Variants in ZFC3H1 observed in about 807,000 individuals in gnomAD.
ZFC3H1 encodes zinc finger C3H1-type containing, also known as zinc finger C3H1 domain-containing protein.
A neutral mutation model predicts 243.7 loss-of-function variants in ZFC3H1; 71 were observed. The observed-to-expected ratio is 0.29, with a 90% CI of 0.24 to 0.36. ZFC3H1 has a LOEUF of 0.36. Among genes scored for constraint, ZFC3H1 ranks in the 10% least tolerant of loss-of-function variants. ZFC3H1 has a pLI of 1.00. For synonymous variants in ZFC3H1, 838 were observed against 813.0 expected (o/e 1.03, Z -0.52); for missense variants, 1,966 against 2,317.1 (o/e 0.85, Z 3.11).
intron 1 of ZFC3H1, among the ~76,000 whole-genome samples, chr12:71,657,509 A>G (rs951293539): frequency 3.3e-5 from 5 of 152,216 alleles, no homozygotes; most frequent in African/African-American, 1.2e-4. Context: ...TAAGTACCAT[A>G]TAAACAGTCC....
At chr12:71,650,766 TGCA>T (rs1880864982) in intron 2 of ZFC3H1, among the ~76,000 whole-genome samples, 1 of 152,328 alleles carries the variant, frequency 6.6e-6, no homozygotes. Context: ...TTCTCAGCAA[TGCA>T]GCCAGAGTGA....
chr12:71,622,505 C>G (rs1880057439), intron 24 of ZFC3H1, among the ~76,000 whole-genome samples: 1 of 151,898 alleles, frequency 6.6e-6, no homozygotes, highest in African/African-American at 2.4e-5. Flanking sequence ...CTCTGTTATC[C>G]AGGCTGAAGT....
At chr12:71,660,585 G>C (rs532110374) in intron 1 of ZFC3H1, among the ~76,000 whole-genome samples, 1 of 151,344 alleles carries the variant, frequency 6.6e-6, no homozygotes, top group South Asian at 2.1e-4. Flanking sequence ...AATTAATAAA[G>C]GTCTATGGTA....
Position 71,630,960 on chromosome 12 carries a change from G to A in ZFC3H1, c.3471-6C>T, listed in dbSNP as rs557216556. ...TTCGATAATATGGACTAAATCTAAG[G>A]TGAAGAGAGTGAACAGGTATATTAT... On this transcript the variant is annotated splice_polypyrimidine_tract_variant and splice_region_variant and intron_variant, in intron 16 of 34. Coordinates refer to ENST00000378743, the MANE Select transcript of ZFC3H1 (RefSeq NM_144982.5). The A allele has an allele frequency of 3.2e-5, 52 of 1,601,604 alleles. 1 individual carries two copies. The Middle Eastern group carries it at 5.0e-4, about 15-fold the overall frequency.
intron 32 of ZFC3H1, 137 bp downstream of exon 32, chr12:71,611,649 A>C (rs976755476): frequency 5.8e-6 from 1 of 171,328 alleles, no homozygotes; most frequent in African/African-American, 2.6e-5. Context: ...TAAGAATAGC[A>C]ATCTGTCCAG....
chr12:71,619,051 C>T (rs544523046), intron 27 of ZFC3H1, among the ~76,000 whole-genome samples: 9 of 152,160 alleles, frequency 5.9e-5, no homozygotes, highest in East Asian at 5.8e-4. Context: ...ACAACAATAA[C>T]GATAAAGTAA....
At position 71,647,802 on chromosome 12, in the gene ZFC3H1, T is replaced by C. The variant is rs766608766; in HGVS notation, c.1027A>G (p.Lys343Glu). 3.0e-6 allele frequency: 4 copies of C among 1,326,952 alleles called. No homozygotes were observed. The African/African-American group carries it at 4.5e-5, about 15-fold the overall frequency. 82.2% of individuals were successfully genotyped at this position (1,326,952 alleles called of 1,614,324 possible). A position where few individuals can be genotyped will look rare whatever the true frequency, so the allele number is the denominator to read the frequency against. The change falls in exon 3 of 35, where the codon AAA becomes GAA. Residue 343 changes from lysine (K) to glutamate (E), a missense_variant. Around this residue, in one of 4 missense-constraint regions of ZFC3H1, gnomAD observed 484 missense variants for 449.7 expected, o/e 1.08. Coordinates refer to ENST00000378743, the MANE Select transcript of ZFC3H1 (RefSeq NM_144982.5). Reference protein sequence around the residue: ...TTDSSQGLQDKEQNLTRRIST... With the variant: ...TTDSSQGLQDEEQNLTRRIST... ...ATTCTTCTTGTTAAATTTTGTTCTT[T>C]ATCTTGTAATCCTTTAAAATAAAAT...
At chr12:71,636,097 A>C (rs1055125560) in intron 9 of ZFC3H1, among the ~76,000 whole-genome samples, 4 of 152,198 alleles carry the variant, frequency 2.6e-5, no homozygotes, top group African/African-American at 9.6e-5. Flanking sequence ...TAGTGTAGTC[A>C]TTGGTTGGAA....
At chr12:71,635,751 A>T (rs1235017388) in intron 9 of ZFC3H1, among the ~76,000 whole-genome samples, 171 bp from the exon 10 acceptor site, 1 of 152,188 alleles carries the variant, frequency 6.6e-6, no homozygotes, top group African/African-American at 2.4e-5. Context: ...ACTGAGACAT[A>T]AAATGTTGTA....
chr12:71,661,958 ATAAAAG>A (rs1433910505), intron 1 of ZFC3H1, among the ~76,000 whole-genome samples: 1 of 152,218 alleles, frequency 6.6e-6, no homozygotes, highest in Non-Finnish European at 1.5e-5. Flanking sequence ...TAAGTGTTCT[ATAAAAG>A]TAATTCTGAT....
At chr12:71,662,497 T>TCCCCC (rs150388437) in intron 1 of ZFC3H1, among the ~76,000 whole-genome samples, 2 of 103,494 alleles carry the variant, frequency 1.9e-5, no homozygotes, top group South Asian at 3.5e-4. Flanking sequence ...TTTTTACCCC[T>TCCCCC]CCCCCCCCCA....
rs918360191 is a variant in ZFC3H1 at position 71,609,661 on chromosome 12, T to C, written c.*767A>G. On this transcript the variant is annotated 3_prime_UTR_variant, in exon 35 of 35. Coordinates refer to ENST00000378743, the MANE Select transcript of ZFC3H1 (RefSeq NM_144982.5). ...ACAATTTCAATACTACAAAGTAGTA[T>C]TTCAATACAAAGCAGTTCAAATATT... 1.2e-4 allele frequency: 19 copies of C among 152,444 alleles called. No individual in the cohort carries two copies. The highest frequency in any genetic ancestry group is 2.4e-4 in the Non-Finnish European group (16 of 68,012). 9.4% of individuals were successfully genotyped at this position (152,444 alleles called of 1,614,324 possible).
chr12:71,610,347 A>C lies in ZFC3H1; in HGVS notation c.*81T>G. The C allele has an allele frequency of 3.3e-6, 5 of 1,506,346 alleles. No individual in the cohort carries two copies. The South Asian group carries it at 6.4e-5, about 19-fold the overall frequency. The allele number at this position is 1,506,346 out of a possible 1,614,324, so 93.3% of individuals were successfully genotyped here. On this transcript the variant is annotated 3_prime_UTR_variant, in exon 35 of 35. Transcript: ENST00000378743. ...TGTCTGCCTTACACAGACCTTAGCC[A>C]GGGATCAGCCTAATCTTGAAGAATC...
chr12:71,655,761 A>G (rs1881000495), intron 2 of ZFC3H1, among the ~76,000 whole-genome samples: 2 of 152,286 alleles, frequency 1.3e-5, no homozygotes, highest in South Asian at 4.1e-4. Flanking sequence ...ATAAAGATGA[A>G]AACAGCCCCA....
At position 71,654,881 on chromosome 12, in the gene ZFC3H1, G is replaced by A. The variant is rs532690217; in HGVS notation, c.1015+2004C>T. Among the ~76,000 whole-genome samples the A allele has an allele frequency of 6.6e-5, 10 of 152,260 alleles. 1 individual carries two copies. Among genetic ancestry groups the A allele is most frequent in the Middle Eastern group, 6.8e-3 (2 of 294 alleles). The stretch of plus-strand genomic sequence containing the variant: ...GAGTGGGAAATTATATAAAGAGAAA[G>A]ATGATGTGGCTATTAATATAAGACA... On this transcript the variant is annotated intron_variant, in intron 2 of 34. Coordinates refer to ENST00000378743, the MANE Select transcript of ZFC3H1 (RefSeq NM_144982.5).
At position 71,632,170 on chromosome 12, in the gene ZFC3H1, A is replaced by T. The variant is rs1245690849; in HGVS notation, c.3162T>A (p.Thr1054=). 8.1e-6 allele frequency: 13 copies of T among 1,603,858 alleles called. No homozygotes were observed. Among genetic ancestry groups the T allele is most frequent in the Non-Finnish European group, 1.1e-5 (13 of 1,176,400 alleles). The change falls in exon 15 of 35, where the codon ACT becomes ACA. Residue 1054 remains threonine, a synonymous_variant. Coordinates refer to ENST00000378743, the MANE Select transcript of ZFC3H1 (RefSeq NM_144982.5). ...TATCAGTGTGCTTAAGGTTAGGTTT[A>T]GTAAAATAATTGGATTCTAAAAAAG... ...RRSFLESNYF[T]KPNLKHTDTA... is the part of the protein sequence containing the mutation.
chr12:71,619,533 C>T (rs754507527), intron 26 of ZFC3H1, 124 bp from the exon 27 acceptor site: 12 of 816,702 alleles, frequency 1.5e-5, no homozygotes, highest in East Asian at 2.7e-5. Context: ...GGGTAAGGGG[C>T]GGAGGGGATA....
chr12:71,651,494 G>A (rs1020206514), intron 2 of ZFC3H1, among the ~76,000 whole-genome samples: 5 of 152,066 alleles, frequency 3.3e-5, no homozygotes, highest in Admixed American at 1.3e-4. Flanking sequence ...ATTTCCAAGA[G>A]CCTGGAATAA....
chr12:71,659,299 T>C (rs981944875), intron 1 of ZFC3H1, among the ~76,000 whole-genome samples: 1 of 152,198 alleles, frequency 6.6e-6, no homozygotes, highest in African/African-American at 2.4e-5. Flanking sequence ...CTTGTTTAAA[T>C]TTCCCTAATA....
Sources: allele counts gnomAD v4.1 joint callset (sites outside exome capture counted in the v4.1 genomes callset), GRCh38; gene constraint gnomAD v4.1.1; regional missense constraint gnomAD v4.1.1; transcripts MANE v1.5; gene names NCBI Gene and HGNC (gene_info 2026-07-23, HGNC 2026-07-21).